NAALADL2: variants seen among roughly 807,000 people sequenced by gnomAD.
The protein encoded by NAALADL2 is N-acetylated alpha-linked acidic dipeptidase like 2, also known as inactive N-acetylated-alpha-linked acidic dipeptidase-like protein 2.
A neutral mutation model predicts 87.2 loss-of-function variants in NAALADL2; 76 were observed. The ratio of observed to expected loss-of-function variants is 0.87; its 90% CI spans 0.72 to 1.05. The LOEUF (loss-of-function observed/expected upper bound fraction) is 1.05. NAALADL2 is among the 50% of genes least tolerant of loss of function. The pLI is 0.00. For missense variants in NAALADL2, 1,089 were observed against 945.8 expected (o/e 1.15, Z -1.99); for synonymous variants, 354 against 331.0 (o/e 1.07, Z -0.75).
intron 3 of NAALADL2, among the ~76,000 whole-genome samples, chr3:174,817,659 A>C (rs1183746142): frequency 6.6e-6 from 1 of 152,106 alleles, no homozygotes; most frequent in African/African-American, 2.4e-5. Flanking sequence ...AATTGGGGGG[A>C]GTGCATGGTA....
At chr3:174,952,959 T>A (rs1740603671) in intron 1 of NAALADL2, among the ~76,000 whole-genome samples, 1 of 152,058 alleles carries the variant, frequency 6.6e-6, no homozygotes, top group Non-Finnish European at 1.5e-5. Context: ...ATATTAGAAA[T>A]GAGCTATCTC....
At chr3:174,943,494 C>T (rs1418313408) in intron 1 of NAALADL2, among the ~76,000 whole-genome samples, 1 of 152,180 alleles carries the variant, frequency 6.6e-6, no homozygotes, top group Non-Finnish European at 1.5e-5. Flanking sequence ...TGAATCATGG[C>T]TTGGCACTTC....
intron 2 of NAALADL2, among the ~76,000 whole-genome samples, chr3:174,703,196 G>GT (rs1729720856): frequency 6.6e-6 from 1 of 152,032 alleles, no homozygotes; most frequent in Admixed American, 6.6e-5. Flanking sequence ...GTGGAGTGCA[G>GT]TGGTGTGATC....
chr3:175,684,153 T>A (rs1310202014), intron 11 of NAALADL2, among the ~76,000 whole-genome samples: 1 of 146,512 alleles, frequency 6.8e-6, no homozygotes, highest in African/African-American at 2.7e-5. Context: ...GGCAATCACT[T>A]TAAAAAAAAA....
intron 2 of NAALADL2, among the ~76,000 whole-genome samples, chr3:175,121,418 A>G (rs1363409044): frequency 6.6e-6 from 1 of 151,824 alleles, no homozygotes; most frequent in African/African-American, 2.4e-5. Flanking sequence ...GGGCAAACTA[A>G]TGGATAGGGT....
chr3:175,581,092 C>CA, intron 10 of NAALADL2: 1 of 292,488 alleles, frequency 3.4e-6, no homozygotes. Flanking sequence ...TTAACCAAGA[C>CA]AAAAATATAA....
chr3:175,789,443 A>G (rs981798311), intron 13 of NAALADL2, among the ~76,000 whole-genome samples: 2 of 152,210 alleles, frequency 1.3e-5, no homozygotes, highest in South Asian at 4.1e-4. Flanking sequence ...CAATTGAAGA[A>G]TCATCTCACA....
chr3:175,733,813 C>A (rs753158850), intron 11 of NAALADL2, among the ~76,000 whole-genome samples: 50 of 152,168 alleles, frequency 3.3e-4, no homozygotes, highest in Non-Finnish European at 5.6e-4. Flanking sequence ...GAGAAATTGA[C>A]CAAAATACAG....
intron 5 of NAALADL2, among the ~76,000 whole-genome samples, chr3:175,363,969 G>A (rs1346695536): frequency 6.7e-6 from 1 of 148,156 alleles, no homozygotes. Context: ...TGAGTCCTTT[G>A]GGAATTAACA....
chr3:174,481,269 G>A (rs1200132320), intron 1 of NAALADL2, among the ~76,000 whole-genome samples: 2 of 151,984 alleles, frequency 1.3e-5, no homozygotes, highest in Non-Finnish European at 2.9e-5. Context: ...TAAGATTCTT[G>A]GATAGGTAAT....
intron 1 of NAALADL2, among the ~76,000 whole-genome samples, chr3:175,040,805 G>A (rs905371493): frequency 5.3e-5 from 8 of 152,094 alleles, no homozygotes; most frequent in African/African-American, 1.9e-4. Flanking sequence ...GGGTGTTCAT[G>A]CTTCTGTTTT....
At chr3:174,657,813 A>G (rs1019877678) in intron 2 of NAALADL2, among the ~76,000 whole-genome samples, 4 of 152,214 alleles carry the variant, frequency 2.6e-5, no homozygotes, top group Non-Finnish European at 2.9e-5. Context: ...ACCCCTGGCT[A>G]CTACTCATCT....
At chr3:174,515,189 G>C (rs1229887975) in intron 1 of NAALADL2, among the ~76,000 whole-genome samples, 3 of 152,030 alleles carry the variant, frequency 2.0e-5, no homozygotes, top group African/African-American at 4.8e-5. Context: ...TATATAGGAG[G>C]ATATGAATAT....
chr3:175,133,276 G>T (rs1267749594), intron 2 of NAALADL2, among the ~76,000 whole-genome samples: 4 of 151,756 alleles, frequency 2.6e-5, no homozygotes, highest in African/African-American at 9.7e-5. Flanking sequence ...CATCCCAGAC[G>T]ATGGGCGGCC....
intron 5 of NAALADL2, among the ~76,000 whole-genome samples, chr3:175,407,183 G>GA (rs1158196011): frequency 4.6e-5 from 7 of 151,948 alleles, no homozygotes; most frequent in African/African-American, 7.3e-5. Context: ...GACTCCATCT[G>GA]AAAAAAATAA....
intron 3 of NAALADL2, among the ~76,000 whole-genome samples, chr3:174,797,175 G>C (rs1451631080): frequency 6.6e-6 from 1 of 151,914 alleles, no homozygotes; most frequent in African/African-American, 2.4e-5. Flanking sequence ...TTCTGCATTT[G>C]GCAATCGAAT....
chr3:174,767,286 G>T (rs141028418), intron 3 of NAALADL2, among the ~76,000 whole-genome samples: 2 of 152,234 alleles, frequency 1.3e-5, no homozygotes, highest in Non-Finnish European at 2.9e-5. Flanking sequence ...CCTATATCCT[G>T]TTAGGAAACA....
chr3:174,858,014 TA>T (rs1273951216), upstream of NAALADL2, among the ~76,000 whole-genome samples: 1 of 151,316 alleles, frequency 6.6e-6, no homozygotes, highest in East Asian at 1.9e-4. Flanking sequence ...TTTTTCAAAT[TA>T]AAAAGCAATG....
Position 175,805,300 on chromosome 3 carries a change from T to C in NAALADL2, c.*2097T>C, listed in dbSNP as rs1418040374. 1 of 151,924 alleles carries C rather than the reference T, an allele frequency of 6.6e-6. No homozygotes were observed. Among genetic ancestry groups the C allele is most frequent in the East Asian group, 1.9e-4 (1 of 5,182 alleles). The allele number at this position is 151,924 out of a possible 1,614,324, so 9.4% of individuals were successfully genotyped here. On this transcript the variant is annotated 3_prime_UTR_variant, in exon 14 of 14. Coordinates refer to ENST00000454872, the MANE Select transcript of NAALADL2 (RefSeq NM_207015.3). ...GAAAACATGTTTCTTCTTCATTTTG[T>C]TTAAAGATTGCGTACCTAGGTAAGT...
Sources: gnomAD v4.1 joint callset for allele counts (sites outside exome capture counted in the v4.1 genomes callset) on GRCh38, gnomAD v4.1.1 for gene constraint, MANE v1.5 for transcripts, NCBI Gene and HGNC (gene_info 2026-07-23, HGNC 2026-07-21) for gene names.